Variants in TBC1D22A observed in about 807,000 individuals in gnomAD.
The protein encoded by TBC1D22A is putative GTPase activator.
TBC1D22A carries 38 observed loss-of-function variants against 60.2 expected under a neutral mutation model. The observed-to-expected ratio is 0.63, with a 90% CI of 0.49 to 0.83. The LOEUF (loss-of-function observed/expected upper bound fraction) is 0.83, where lower values mean the gene tolerates loss of function less well. TBC1D22A is among the 40% of genes least tolerant of loss of function. TBC1D22A has a pLI of 0.00. For synonymous variants in TBC1D22A, 302 were observed against 281.7 expected, an observed-to-expected ratio of 1.07 and a Z score of -0.72; for missense variants, 628 against 701.0, an observed-to-expected ratio of 0.90 and a Z score of 1.18.
chr22:46,842,874 A>G (rs944607018), intron 4 of TBC1D22A, among the ~76,000 whole-genome samples: 11 of 152,206 alleles, frequency 7.2e-5, no homozygotes, highest in African/African-American at 9.7e-5. Context: ...TCACAGTTGA[A>G]TGGAGCAGTG....
chr22:46,803,177 C>T (rs935563965), intron 4 of TBC1D22A, among the ~76,000 whole-genome samples: 2 of 152,118 alleles, frequency 1.3e-5, no homozygotes, highest in Admixed American at 6.5e-5. Flanking sequence ...TCTGCACCCC[C>T]ACCCCCTTCC....
intron 8 of TBC1D22A, among the ~76,000 whole-genome samples, chr22:46,944,602 G>A (rs1196790133): frequency 6.6e-6 from 1 of 152,208 alleles, no homozygotes; most frequent in Non-Finnish European, 1.5e-5. Flanking sequence ...GTTTCACCGT[G>A]TTAGCCAGGA....
At chr22:46,956,936 G>A (rs1200232736) in intron 8 of TBC1D22A, among the ~76,000 whole-genome samples, 1 of 152,234 alleles carries the variant, frequency 6.6e-6, no homozygotes, top group Non-Finnish European at 1.5e-5. Flanking sequence ...TTCCAGAAGG[G>A]TGTGTGGGAG....
At chr22:47,083,584 G>A (rs927954886) in intron 11 of TBC1D22A, among the ~76,000 whole-genome samples, 20 of 152,278 alleles carry the variant, frequency 1.3e-4, no homozygotes, top group East Asian at 3.9e-4. Flanking sequence ...GTGAGGCTGC[G>A]TTGGGAGCAA....
chr22:47,008,728 G>A (rs1194492504), intron 10 of TBC1D22A, among the ~76,000 whole-genome samples: 1 of 152,226 alleles, frequency 6.6e-6, no homozygotes, highest in Non-Finnish European at 1.5e-5. Context: ...CTGGCCCCTT[G>A]GAGTGAGGCC....
intron 11 of TBC1D22A, among the ~76,000 whole-genome samples, chr22:47,054,956 C>T (rs1175489855): frequency 6.6e-6 from 1 of 152,234 alleles, no homozygotes. Context: ...AGCCCAGGTC[C>T]AGCATGGCCC....
At chr22:46,855,360 T>C (rs1246549662) in intron 4 of TBC1D22A, among the ~76,000 whole-genome samples, 1 of 152,232 alleles carries the variant, frequency 6.6e-6, no homozygotes, top group Non-Finnish European at 1.5e-5. Context: ...GTATTGTTAC[T>C]TTTTGTGTTC....
rs374064375 is a variant in TBC1D22A, at chr22:46,798,798, G to A, written c.637+1178G>A. 4.6e-5 allele frequency among the ~76,000 whole-genome samples: 7 copies of A among 152,328 alleles called. No individual in the cohort carries two copies. The East Asian group carries it at 1.2e-3, about 25-fold the overall frequency. Reference sequence around the variant, plus strand: ...CCAGGAGGTGGCGAGTGGCGCACGCGGATGGGCCGCCAGGAGCCACGCAGG... The same window carrying A: ...CCAGGAGGTGGCGAGTGGCGCACGCAGATGGGCCGCCAGGAGCCACGCAGG... On this transcript the variant is annotated intron_variant, in intron 4 of 12. Coordinates refer to ENST00000337137, the MANE Select transcript of TBC1D22A (RefSeq NM_014346.5).
intron 12 of TBC1D22A, among the ~76,000 whole-genome samples, chr22:47,120,257 C>A (rs561882696): frequency 6.6e-6 from 1 of 152,264 alleles, no homozygotes; most frequent in South Asian, 2.1e-4. Context: ...AAAATTAATA[C>A]TTTATTAACA....
At chr22:47,063,866 C>T (rs2063668322) in intron 11 of TBC1D22A, among the ~76,000 whole-genome samples, 1 of 152,228 alleles carries the variant, frequency 6.6e-6, no homozygotes, top group East Asian at 1.9e-4. Context: ...GCTACGTAGC[C>T]TTCTCCCATT....
intron 11 of TBC1D22A, among the ~76,000 whole-genome samples, chr22:47,106,751 CAAG>C (rs1569450413): frequency 6.6e-6 from 1 of 151,966 alleles, no homozygotes; most frequent in African/African-American, 2.4e-5. Context: ...TATGAAAGAA[CAAG>C]AAGAAGATCT....
At chr22:47,090,098 G>A (rs151203899) in intron 11 of TBC1D22A, among the ~76,000 whole-genome samples, 13 of 150,352 alleles carry the variant, frequency 8.6e-5, no homozygotes, top group Middle Eastern at 6.8e-3. Context: ...CCAGAGGGGT[G>A]GGGGGGCGGT....
At chr22:47,049,891 A>T (rs1256880104) in intron 11 of TBC1D22A, among the ~76,000 whole-genome samples, 2 of 152,226 alleles carry the variant, frequency 1.3e-5, no homozygotes, top group Admixed American at 1.3e-4. Flanking sequence ...GGTGTTCAGG[A>T]AAGGGGCTGC....
intron 12 of TBC1D22A, among the ~76,000 whole-genome samples, chr22:47,153,479 G>T (rs536487940): frequency 2.0e-5 from 3 of 152,178 alleles, no homozygotes; most frequent in African/African-American, 7.2e-5. Context: ...GCCAGGAGAG[G>T]CTGCAGGCAG....
intron 8 of TBC1D22A, among the ~76,000 whole-genome samples, chr22:46,932,286 T>C (rs1489507881): frequency 6.6e-6 from 1 of 152,258 alleles, no homozygotes; most frequent in African/African-American, 2.4e-5. Flanking sequence ...AAGGCCGTGC[T>C]GTGACCGTTC....
At chr22:46,934,374 C>T (rs908203204) in intron 8 of TBC1D22A, among the ~76,000 whole-genome samples, 4 of 152,296 alleles carry the variant, frequency 2.6e-5, no homozygotes, top group Admixed American at 2.0e-4. Context: ...GTGTGGTACG[C>T]GTGGGCACGC....
intron 10 of TBC1D22A, among the ~76,000 whole-genome samples, chr22:47,004,712 TACAC>T (rs1331831716): frequency 4.1e-5 from 6 of 145,124 alleles, no homozygotes; most frequent in Admixed American, 1.4e-4. Context: ...CCCTCATACA[TACAC>T]ACACCTGCCA....
chr22:46,891,834 G>A (rs563380403), intron 6 of TBC1D22A, among the ~76,000 whole-genome samples: 20 of 152,266 alleles, frequency 1.3e-4, no homozygotes, highest in Admixed American at 2.6e-4. Flanking sequence ...GTCTAGGTAG[G>A]GATGTGATAC....
chr22:46,918,957 G>A (rs1003401847), intron 8 of TBC1D22A, among the ~76,000 whole-genome samples: 7 of 152,142 alleles, frequency 4.6e-5, no homozygotes, highest in African/African-American at 1.4e-4. Context: ...CAACCTCCAT[G>A]CAACTTTACT....
Sources: allele counts gnomAD v4.1 joint callset (sites outside exome capture counted in the v4.1 genomes callset), GRCh38; gene constraint gnomAD v4.1.1; transcripts MANE v1.5; gene names NCBI Gene and HGNC (gene_info 2026-07-23, HGNC 2026-07-21).